The following FANCC variants were observed in gnomAD, a reference collection of about 807,000 sequenced individuals.
FANCC encodes the protein Fanconi anemia group C protein.
In FANCC, 55 loss-of-function variants were observed where a neutral mutation model predicts 71.3. The ratio of observed to expected loss-of-function variants is 0.77; its 90% CI spans 0.62 to 0.97. The LOEUF (loss-of-function observed/expected upper bound fraction) is 0.97, where lower values mean the gene tolerates loss of function less well. Among genes scored for constraint, FANCC ranks in the 50% least tolerant of loss-of-function variants. The pLI is 0.00. For missense variants in FANCC, 678 were observed against 670.9 expected, an observed-to-expected ratio of 1.01 and a Z score of -0.12; for synonymous variants, 275 against 244.9, an observed-to-expected ratio of 1.12 and a Z score of -1.15.
intron 4 of FANCC, among the ~76,000 whole-genome samples, chr9:95,195,302 T>A (rs1827384117): frequency 1.4e-5 from 2 of 147,236 alleles, no homozygotes; most frequent in Admixed American, 6.9e-5. Context: ...AAATCCCTGA[T>A]CCATTTGAGT....
chr9:95,127,840 C>G (rs1374310832), intron 8 of FANCC, among the ~76,000 whole-genome samples: 1 of 152,236 alleles, frequency 6.6e-6, no homozygotes, highest in Non-Finnish European at 1.5e-5. Context: ...GTCAGCACTG[C>G]TGGACCCGCC....
Position 95,101,478 on chromosome 9 carries a change from G to A in FANCC, c.*229C>T, listed in dbSNP as rs1326992056. On this transcript the variant is annotated 3_prime_UTR_variant, in exon 15 of 15. Transcript: ENST00000289081. ...CGGGCGGGCACCAGGAGTACCGAAG[G>A]CTCACTTGAGTCATTAGTGAACATG... 1.7e-6 allele frequency: 1 copy of A among 592,842 alleles called. No homozygotes were observed. Among genetic ancestry groups the A allele is most frequent in the East Asian group, 2.9e-5 (1 of 34,950 alleles). The allele number at this position is 592,842 out of a possible 1,614,324, so 36.7% of individuals were successfully genotyped here.
chr9:95,162,937 G>A (rs969385141), intron 6 of FANCC, among the ~76,000 whole-genome samples: 3 of 152,042 alleles, frequency 2.0e-5, no homozygotes, highest in African/African-American at 7.3e-5. Context: ...TGCTTCCTTT[G>A]TTGCACAGAC....
intron 4 of FANCC, among the ~76,000 whole-genome samples, chr9:95,178,949 C>T (rs1366258307): frequency 6.6e-6 from 1 of 152,156 alleles, no homozygotes; most frequent in South Asian, 2.1e-4. Flanking sequence ...TATAAGACAT[C>T]GACTTCCAAA....
intron 4 of FANCC, 63 bp from the exon 5 acceptor site, chr9:95,172,210 C>T: frequency 9.9e-7 from 1 of 1,005,678 alleles, no homozygotes; most frequent in Non-Finnish European, 1.5e-6. Context: ...CTTTTATGTA[C>T]AATGCCTACA....
intron 4 of FANCC, among the ~76,000 whole-genome samples, chr9:95,172,845 C>G (rs984583230): frequency 1.3e-5 from 2 of 152,072 alleles, no homozygotes; most frequent in African/African-American, 4.8e-5. Context: ...ACTCTGAGAA[C>G]TGAAAATCCT....
chr9:95,106,923 C>A, intron 14 of FANCC, 143 bp downstream of exon 14: 1 of 802,324 alleles, frequency 1.2e-6, no homozygotes, highest in South Asian at 1.5e-5. Context: ...TCCATCCCAG[C>A]TGTCAACCTC....
intron 4 of FANCC, among the ~76,000 whole-genome samples, chr9:95,187,596 G>C (rs932701175): frequency 6.6e-6 from 1 of 152,106 alleles, no homozygotes; most frequent in African/African-American, 2.4e-5. Context: ...CTGGGGGTGG[G>C]CCCTAGAATC....
chr9:95,166,420 T>A (rs1343930510), intron 6 of FANCC, among the ~76,000 whole-genome samples: 1 of 152,148 alleles, frequency 6.6e-6, no homozygotes, highest in African/African-American at 2.4e-5. Flanking sequence ...GGGCATTACA[T>A]TAAACATCTT....
intron 1 of FANCC, among the ~76,000 whole-genome samples, chr9:95,304,682 G>A (rs929164023): frequency 5.3e-5 from 8 of 149,896 alleles, no homozygotes; most frequent in African/African-American, 7.4e-5. Context: ...CCTGGGAGGC[G>A]GAGGTTGCAG....
chr9:95,107,778 A>T (rs1031258665), intron 13 of FANCC, among the ~76,000 whole-genome samples: 1 of 152,188 alleles, frequency 6.6e-6, no homozygotes, highest in Non-Finnish European at 1.5e-5. Flanking sequence ...AAGCACGGTC[A>T]TACACACATG....
Position 95,315,230 on chromosome 9 carries a change from C to T in FANCC, c.-79+2296G>A, listed in dbSNP as rs1235298009. ...TCTGGTGGCCAATCTGAATTGTTAC[C>T]AATTTTATTTTTCCAGACACGGTCT... is the stretch of plus-strand genomic sequence containing the variant. On this transcript the variant is annotated intron_variant, in intron 1 of 14. Transcript: ENST00000289081. 2.6e-5 allele frequency among the ~76,000 whole-genome samples: 4 copies of T among 152,100 alleles called. No homozygotes were observed. In the East Asian group the frequency reaches 7.7e-4, roughly 29 times the overall value.
chr9:95,170,418 A>G (rs1266830113), intron 6 of FANCC, among the ~76,000 whole-genome samples: 1 of 152,014 alleles, frequency 6.6e-6, no homozygotes, highest in Non-Finnish European at 1.5e-5. Context: ...AAAATCACCA[A>G]GTCCCTCAGT....
At chr9:95,207,626 G>A (rs927668743) in intron 4 of FANCC, among the ~76,000 whole-genome samples, 3 of 152,042 alleles carry the variant, frequency 2.0e-5, no homozygotes, top group African/African-American at 7.2e-5. Flanking sequence ...ACTCCGGGTG[G>A]CTCCACTACT....
chr9:95,185,626 C>T (rs575197115), intron 4 of FANCC, among the ~76,000 whole-genome samples: 9 of 152,282 alleles, frequency 5.9e-5, no homozygotes, highest in East Asian at 3.9e-4. Context: ...TATTAGGGCA[C>T]GACAGATTCC....
intron 1 of FANCC, among the ~76,000 whole-genome samples, chr9:95,304,764 A>T (rs1045642847): frequency 1.3e-5 from 2 of 151,262 alleles, no homozygotes; most frequent in African/African-American, 4.9e-5. Flanking sequence ...AAAAAAAAAA[A>T]AAAAAAAAAA....
rs369082921 is a variant in FANCC, at chr9:95,135,341, C to G, written c.843+5G>C. 4 of 1,613,576 alleles carry G rather than the reference C, an allele frequency of 2.5e-6. No homozygotes were observed. Among genetic ancestry groups the G allele is most frequent in the East Asian group, 2.2e-5 (1 of 44,870 alleles). ...TTTTTCCCTTCATCAAAACCCAGTA[C>G]GTACCAGCGATGAATCTTTTATAAA... On this transcript the variant is annotated splice_donor_5th_base_variant and intron_variant, in intron 8 of 14. Transcript: ENST00000289081.
At chr9:95,258,569 C>A (rs1271555820) in intron 1 of FANCC, among the ~76,000 whole-genome samples, 2 of 152,108 alleles carry the variant, frequency 1.3e-5, no homozygotes, top group Admixed American at 1.3e-4. Context: ...TATGACAAAC[C>A]CACAGCAAAT....
intron 1 of FANCC, among the ~76,000 whole-genome samples, chr9:95,279,754 C>G (rs1172379586): frequency 6.6e-6 from 1 of 151,974 alleles, no homozygotes; most frequent in Non-Finnish European, 1.5e-5. Context: ...TCAAGACCAG[C>G]CTGGCTAACA....
Sources: gnomAD v4.1 joint callset for allele counts (sites outside exome capture counted in the v4.1 genomes callset) on GRCh38, gnomAD v4.1.1 for gene constraint, MANE v1.5 for transcripts, NCBI Gene and HGNC (gene_info 2026-07-23, HGNC 2026-07-21) for gene names.